Variants in RORA observed in about 807,000 individuals in gnomAD.
The protein encoded by RORA is RAR related orphan receptor A, also known as nuclear receptor ROR-alpha.
In RORA, 7 loss-of-function variants were observed where a neutral mutation model predicts 69.5. The observed-to-expected ratio is 0.10, with a 90% CI of 0.06 to 0.19. RORA has a LOEUF of 0.19. Ranked by LOEUF, RORA falls within the 10% of genes least tolerant of loss-of-function variation. The pLI is 1.00. For missense variants in RORA, 457 were observed against 663.0 expected (o/e 0.69, Z 3.41); for synonymous variants, 261 against 240.8 (o/e 1.08, Z -0.78).
chr15:60,781,966 C>A (rs1177322108), intron 1 of RORA, among the ~76,000 whole-genome samples: 3 of 152,196 alleles, frequency 2.0e-5, no homozygotes, highest in African/African-American at 7.2e-5. Flanking sequence ...GCGGTTCACG[C>A]CTGTAATCCC....
chr15:60,749,993 G>C (rs2071701777), intron 1 of RORA, among the ~76,000 whole-genome samples: 1 of 152,214 alleles, frequency 6.6e-6, no homozygotes, highest in Admixed American at 6.5e-5. Flanking sequence ...GTACACCAGT[G>C]CACGCCAGCC....
intron 1 of RORA, among the ~76,000 whole-genome samples, chr15:61,080,790 G>A (rs2078527833): frequency 6.6e-6 from 1 of 152,152 alleles, no homozygotes; most frequent in South Asian, 2.1e-4. Flanking sequence ...TTATACCAAC[G>A]ACTGGCATAA....
chr15:61,115,408 C>G (rs754876412), intron 1 of RORA, among the ~76,000 whole-genome samples: 1 of 152,208 alleles, frequency 6.6e-6, no homozygotes, highest in Non-Finnish European at 1.5e-5. Context: ...GACACTGGAT[C>G]CTGGACATGC....
At chr15:61,068,948 A>G (rs889733616) in intron 1 of RORA, among the ~76,000 whole-genome samples, 4 of 152,108 alleles carry the variant, frequency 2.6e-5, no homozygotes, top group Non-Finnish European at 5.9e-5. Context: ...CAATATAGAA[A>G]CTCTTAATAT....
In RORA at chr15:60,985,864, G is replaced by C. The variant is rs142289890; in HGVS notation, c.166+243189C>G. ...CAAAATGCTGGGATTACAGGTGTGA[G>C]CCAACGCGCCCAGCCGACATGTTTT... On this transcript the variant is annotated intron_variant, in intron 1 of 10. Transcript: ENST00000335670. Among the ~76,000 whole-genome samples, 157 of 152,278 alleles carry C rather than the reference G, an allele frequency of 1.0e-3. 2 individuals are homozygous for C. The highest frequency in any genetic ancestry group is 7.5e-3 in the East Asian group (39 of 5,184).
intron 1 of RORA, among the ~76,000 whole-genome samples, chr15:60,748,320 A>C (rs1197512902): frequency 1.0e-5 from 1 of 96,968 alleles, no homozygotes; most frequent in African/African-American, 3.4e-5. Context: ...AAAAAAAAAA[A>C]AAAAACACAC....
intron 1 of RORA, among the ~76,000 whole-genome samples, chr15:60,704,967 C>T (rs184827023): frequency 3.3e-4 from 50 of 152,286 alleles, no homozygotes; most frequent in African/African-American, 1.2e-3. Context: ...TTGGCATGAG[C>T]TTCCACGTGT....
At chr15:61,201,913 G>A (rs750329334) in intron 1 of RORA, among the ~76,000 whole-genome samples, 2 of 151,284 alleles carry the variant, frequency 1.3e-5, no homozygotes, top group African/African-American at 4.9e-5. Flanking sequence ...CATTACAAGC[G>A]AAATCGAACT....
At chr15:60,679,450 T>C (rs1269714212) in intron 1 of RORA, among the ~76,000 whole-genome samples, 2 of 152,194 alleles carry the variant, frequency 1.3e-5, no homozygotes, top group African/African-American at 4.8e-5. Flanking sequence ...TATGCTTTGA[T>C]GCAAACAACA....
At chr15:60,614,972 T>A in intron 2 of RORA, 2 of 1,614,054 alleles carry the variant, frequency 1.2e-6, no homozygotes, top group Non-Finnish European at 8.5e-7. Flanking sequence ...CCATCCCAGT[T>A]TATGTGCTCA....
At chr15:60,642,776 C>G (rs907148428) in intron 2 of RORA, among the ~76,000 whole-genome samples, 2 of 152,250 alleles carry the variant, frequency 1.3e-5, no homozygotes, top group East Asian at 3.9e-4. Context: ...CCTTGCTACT[C>G]TAGGTGCTGA....
At chr15:60,921,865 T>C (rs72752757) in intron 1 of RORA, among the ~76,000 whole-genome samples, 3 of 152,166 alleles carry the variant, frequency 2.0e-5, no homozygotes, top group Non-Finnish European at 4.4e-5. Flanking sequence ...ACCTCACACA[T>C]GGTAGGTGCT....
intron 1 of RORA, among the ~76,000 whole-genome samples, chr15:61,046,261 C>T (rs1269158750): frequency 6.6e-6 from 1 of 152,190 alleles, no homozygotes; most frequent in Non-Finnish European, 1.5e-5. Context: ...CTACGTCTGG[C>T]TGGAGGGCAC....
intron 2 of RORA, among the ~76,000 whole-genome samples, chr15:60,571,745 T>C (rs910066964): frequency 1.3e-5 from 2 of 152,206 alleles, no homozygotes; most frequent in Admixed American, 6.5e-5. Context: ...TAATAGTCTA[T>C]AAAATGCCCA....
Position 60,676,014 on chromosome 15 carries a change from G to A in RORA, c.196+2643C>T, listed in dbSNP as rs147078760. 6.2e-3 allele frequency among the ~76,000 whole-genome samples: 944 copies of A among 152,238 alleles called. 45 individuals carry two copies. The East Asian group carries it at 0.09, about 14-fold the overall frequency. On this transcript the variant is annotated intron_variant, in intron 2 of 10. Transcript: ENST00000335670. Reference sequence around the variant, plus strand: ...AACCCTGGCTAAAAATGGAAGTTTTGAGACGGTACAAAAATGAATTCATAC... The same window carrying A: ...AACCCTGGCTAAAAATGGAAGTTTTAAGACGGTACAAAAATGAATTCATAC...
intron 10 of RORA, among the ~76,000 whole-genome samples, chr15:60,499,060 T>C (rs987240570): frequency 9.2e-5 from 14 of 152,164 alleles, no homozygotes; most frequent in African/African-American, 3.4e-4. Context: ...TTGTGAAAGA[T>C]AATGATTGGT....
chr15:60,881,929 A>C (rs1319068283), intron 1 of RORA, among the ~76,000 whole-genome samples: 2 of 152,258 alleles, frequency 1.3e-5, no homozygotes, highest in Non-Finnish European at 2.9e-5. Flanking sequence ...TTGGCTTACA[A>C]TATAACTACT....
chr15:60,498,970 C>T (rs941788788), intron 10 of RORA, among the ~76,000 whole-genome samples: 1 of 152,000 alleles, frequency 6.6e-6, no homozygotes, highest in Non-Finnish European at 1.5e-5. Context: ...GCTGATTGTT[C>T]TAAGACCAAA....
chr15:61,110,013 A>C lies in RORA; in HGVS notation c.166+119040T>G, dbSNP rs567567116. On this transcript the variant is annotated intron_variant, in intron 1 of 10. Coordinates refer to ENST00000335670, the MANE Select transcript of RORA (RefSeq NM_134261.3). ...ACAAATTCCTATTGCCTAGTGATGT[A>C]GCCATCAAAATGTCTTATGGCAATG... is the stretch of plus-strand genomic sequence containing the variant. 6.0e-5 allele frequency among the ~76,000 whole-genome samples: 9 copies of C among 151,206 alleles called. No homozygotes were observed. In the South Asian group the frequency reaches 1.9e-3, roughly 32 times the overall value.
Sources: allele counts gnomAD v4.1 joint callset (sites outside exome capture counted in the v4.1 genomes callset), GRCh38; gene constraint gnomAD v4.1.1; transcripts MANE v1.5; gene names NCBI Gene and HGNC (gene_info 2026-07-23, HGNC 2026-07-21).